The following RBMS3 variants were observed in gnomAD, a reference collection of about 807,000 sequenced individuals.
The protein encoded by RBMS3 is RNA binding motif single stranded interacting protein 3.
In RBMS3, 27 loss-of-function variants were observed where a neutral mutation model predicts 66.8. That is an observed-to-expected ratio of 0.40 (90% CI 0.30 to 0.56). The LOEUF is 0.56. RBMS3 is among the 20% of genes least tolerant of loss of function. The pLI, the probability that RBMS3 is intolerant of heterozygous loss-of-function variation, is 0.40. For synonymous variants in RBMS3, 188 were observed against 183.0 expected (o/e 1.03, Z -0.22); for missense variants, 513 against 549.5 (o/e 0.93, Z 0.66).
At chr3:29,640,288 A>ACC (rs1482429585) in intron 4 of RBMS3, among the ~76,000 whole-genome samples, 5 of 145,650 alleles carry the variant, frequency 3.4e-5, no homozygotes, top group African/African-American at 1.3e-4. Flanking sequence ...ACACACACCC[A>ACC]CACACACACG....
At chr3:29,863,877 G>A (rs954852253) in intron 6 of RBMS3, among the ~76,000 whole-genome samples, 6 of 152,116 alleles carry the variant, frequency 3.9e-5, no homozygotes, top group Middle Eastern at 3.2e-3. Context: ...ATGTTTTTAT[G>A]CCAGTCGGTA....
chr3:29,308,736 T>TA (rs200202425), intron 1 of RBMS3, among the ~76,000 whole-genome samples: 640 of 36,192 alleles, frequency 0.018, 18 homozygotes, highest in East Asian at 0.14. Context: ...GCATAGTGAT[T>TA]AAAAAAAAAC....
chr3:29,915,093 A>T (rs1164007536), intron 10 of RBMS3, among the ~76,000 whole-genome samples: 1 of 151,706 alleles, frequency 6.6e-6, no homozygotes, highest in Non-Finnish European at 1.5e-5. Context: ...GAATGCAGGG[A>T]TTTATAAACC....
chr3:29,659,644 T>A (rs1226321008), intron 4 of RBMS3, among the ~76,000 whole-genome samples: 1 of 152,238 alleles, frequency 6.6e-6, no homozygotes, highest in Non-Finnish European at 1.5e-5. Flanking sequence ...GATACTTGGA[T>A]TGCTTCCATG....
intron 5 of RBMS3, among the ~76,000 whole-genome samples, chr3:29,744,601 G>A (rs2054793922): frequency 6.6e-6 from 1 of 152,080 alleles, no homozygotes. Context: ...GGCCAACATA[G>A]CGAAACCTCA....
At chr3:30,001,786 TTA>T (rs1315061365) in intron 14 of RBMS3, among the ~76,000 whole-genome samples, 4 of 151,202 alleles carry the variant, frequency 2.6e-5, no homozygotes, top group African/African-American at 4.8e-5. Flanking sequence ...ATTTTATTTC[TTA>T]TTTTATTATT....
chr3:29,405,584 G>C (rs2039985807), intron 1 of RBMS3, among the ~76,000 whole-genome samples: 1 of 152,136 alleles, frequency 6.6e-6, no homozygotes, highest in African/African-American at 2.4e-5. Context: ...GGTAAGGTGG[G>C]AAGGAGAGAA....
At chr3:29,757,214 C>G (rs1207568861) in intron 5 of RBMS3, among the ~76,000 whole-genome samples, 3 of 152,176 alleles carry the variant, frequency 2.0e-5, no homozygotes, top group Admixed American at 6.5e-5. Flanking sequence ...AAACATACCC[C>G]TATCACTCAG....
At chr3:29,781,036 A>T (rs1204242945) in intron 6 of RBMS3, among the ~76,000 whole-genome samples, 2 of 151,892 alleles carry the variant, frequency 1.3e-5, no homozygotes, top group African/African-American at 2.4e-5. Flanking sequence ...ACATATGTAT[A>T]CATGTGCCAT....
chr3:30,002,956 G>A (rs1699676925), intron 14 of RBMS3, among the ~76,000 whole-genome samples: 1 of 151,952 alleles, frequency 6.6e-6, no homozygotes, highest in East Asian at 1.9e-4. Flanking sequence ...ACTATACATA[G>A]TAACACTGAG....
At position 29,907,069 on chromosome 3, in the gene RBMS3, G is replaced by A. The variant is rs560289833; in HGVS notation, c.939+7314G>A. On this transcript the variant is annotated intron_variant, in intron 10 of 14. Coordinates refer to ENST00000383767, the MANE Select transcript of RBMS3 (RefSeq NM_001003793.3). ...AATCAGTGACCACATATTATATTTG[G>A]TTATTGGGTCATTTAAGGCTCTTTT... 2.6e-5 allele frequency among the ~76,000 whole-genome samples: 4 copies of A among 152,132 alleles called. 2 individuals carry two copies. The highest frequency in any genetic ancestry group is 9.6e-5 in the African/African-American group (4 of 41,526).
chr3:29,380,277 G>A (rs2038701559), intron 1 of RBMS3, among the ~76,000 whole-genome samples: 1 of 151,520 alleles, frequency 6.6e-6, no homozygotes, highest in South Asian at 2.1e-4. Context: ...AAAAGTACAG[G>A]ACATTTCTTA....
intron 8 of RBMS3, 42 bp from the exon 9 acceptor site, chr3:29,897,337 G>A (rs1366744899): frequency 1.9e-6 from 3 of 1,555,282 alleles, no homozygotes; most frequent in Non-Finnish European, 2.7e-6. Flanking sequence ...GGCCAGGCAT[G>A]TAGCAGCTTC....
intron 12 of RBMS3, among the ~76,000 whole-genome samples, chr3:29,985,607 AT>A (rs1698328655): frequency 6.6e-6 from 1 of 152,096 alleles, no homozygotes; most frequent in Admixed American, 6.5e-5. Context: ...AGAGGGAGTT[AT>A]CCAACCCCTT....
chr3:29,650,279 CTTTTT>C (rs560594950), intron 4 of RBMS3, among the ~76,000 whole-genome samples: 4 of 96,232 alleles, frequency 4.2e-5, no homozygotes, highest in African/African-American at 1.7e-4. Context: ...TCCTTTCTTT[CTTTTT>C]TTTTTTTTTT....
chr3:29,746,983 T>C (rs1012707699), intron 5 of RBMS3, among the ~76,000 whole-genome samples: 2 of 152,180 alleles, frequency 1.3e-5, no homozygotes, highest in African/African-American at 2.4e-5. Flanking sequence ...TTAGAAATGG[T>C]GGCCATTCAG....
chr3:29,315,342 G>A (rs191452221), intron 1 of RBMS3, among the ~76,000 whole-genome samples: 1 of 151,330 alleles, frequency 6.6e-6, no homozygotes, highest in Non-Finnish European at 1.5e-5. Context: ...TATTGCAAAA[G>A]TTCAACCACT....
intron 6 of RBMS3, among the ~76,000 whole-genome samples, chr3:29,830,396 G>A (rs1363849402): frequency 3.3e-5 from 5 of 152,210 alleles, no homozygotes; most frequent in South Asian, 4.1e-4. Flanking sequence ...TCAACTCTTC[G>A]TTTGTTCACA....
At chr3:29,704,023 GT>G (rs1220271133) in intron 4 of RBMS3, among the ~76,000 whole-genome samples, 1 of 152,194 alleles carries the variant, frequency 6.6e-6, no homozygotes, top group Non-Finnish European at 1.5e-5. Context: ...AGAATCTAAT[GT>G]CTGATGATCT....
Sources: gnomAD v4.1 joint callset for allele counts (sites outside exome capture counted in the v4.1 genomes callset) on GRCh38, gnomAD v4.1.1 for gene constraint, MANE v1.5 for transcripts, NCBI Gene and HGNC (gene_info 2026-07-23, HGNC 2026-07-21) for gene names.